KLHL5: variants seen among roughly 807,000 people sequenced by gnomAD.
The protein encoded by KLHL5 is kelch like family member 5.
A neutral mutation model predicts 77.7 loss-of-function variants in KLHL5; 48 were observed. That is an observed-to-expected ratio of 0.62 (90% CI 0.49 to 0.79). KLHL5 has a LOEUF of 0.79. Among genes scored for constraint, KLHL5 ranks in the 30% least tolerant of loss-of-function variants. The pLI, the probability that KLHL5 is intolerant of heterozygous loss-of-function variation, is 0.00. For synonymous variants in KLHL5, 260 were observed against 297.0 expected (o/e 0.88, Z 1.28); for missense variants, 723 against 859.7 (o/e 0.84, Z 1.99).
chr4:39,053,323 T>C lies in KLHL5; in HGVS notation c.-95+8227T>C, dbSNP rs967036291. On this transcript the variant is annotated intron_variant, in intron 1 of 11. Coordinates refer to the KLHL5 transcript ENST00000261425. Reference sequence around the variant, plus strand: ...GATCAGAGAGCCCAGGCAACTTTAATTGATTATACTTGTGTCTGGAGAGTA... The same window carrying C: ...GATCAGAGAGCCCAGGCAACTTTAACTGATTATACTTGTGTCTGGAGAGTA... 2.6e-5 allele frequency among the ~76,000 whole-genome samples: 4 copies of C among 152,222 alleles called. No individual in the cohort carries two copies. In the South Asian group the frequency reaches 8.3e-4, roughly 31 times the overall value.
intron 10 of KLHL5, among the ~76,000 whole-genome samples, chr4:39,118,669 T>C (rs1723015995): frequency 6.6e-6 from 1 of 151,790 alleles, no homozygotes. Context: ...GGCAGGAGAA[T>C]CGCTTGAACC....
Position 39,081,367 on chromosome 4 carries a change from G to C in KLHL5, c.703+128G>C. On this transcript the variant is annotated intron_variant, in intron 3 of 10. Transcript: ENST00000504108. The surrounding 1 kb of genome is among the most constrained non-coding windows in gnomAD (Gnocchi z 4.3). ...TCTGCTATTGTCATTACTACCCTTT[G>C]TATTTAACCTGGTGATGAATTAAAA... 1.6e-6 allele frequency: 1 copy of C among 621,290 alleles called. No homozygotes were observed. The highest frequency in any genetic ancestry group is 2.5e-6 in the Non-Finnish European group (1 of 406,112). The allele number at this position is 621,290 out of a possible 1,614,324, so 38.5% of individuals were successfully genotyped here.
the KLHL5 span, chr4:39,133,944 G>A: frequency 0.53 from 79,816 of 152,010 alleles, 21,571 homozygotes; most frequent in Non-Finnish European, 0.59. Context: ...CCTGTGCATG[G>A]GGGATCATTC....
chr4:39,139,296 A>G, the KLHL5 span, among the ~76,000 whole-genome samples: 2 of 151,944 alleles, frequency 1.3e-5, no homozygotes, highest in Non-Finnish European at 2.9e-5. Context: ...AAAAAAAAAA[A>G]AAAGAAAAGC....
At chr4:39,045,015 C>T (rs1272722285), upstream of KLHL5, 281 of 992,594 alleles carry the variant, frequency 2.8e-4, no homozygotes, top group Non-Finnish European at 3.3e-4. Context: ...AGCTCGCCGG[C>T]CCCGGCCCCC....
intron 10 of KLHL5, among the ~76,000 whole-genome samples, chr4:39,117,755 G>A (rs1722941505): frequency 6.6e-6 from 1 of 152,116 alleles, no homozygotes; most frequent in African/African-American, 2.4e-5. Context: ...TCTGATAGAA[G>A]CAGAAGCCAG....
At chr4:39,088,332 C>T (rs898190179) in intron 5 of KLHL5, among the ~76,000 whole-genome samples, 10 of 152,118 alleles carry the variant, frequency 6.6e-5, no homozygotes, top group Admixed American at 2.0e-4. Flanking sequence ...ATCATTTGTT[C>T]GAACACCTGT....
downstream of KLHL5, among the ~76,000 whole-genome samples, chr4:39,131,048 T>C (rs1219605269): frequency 6.9e-6 from 1 of 145,726 alleles, no homozygotes; most frequent in Non-Finnish European, 1.5e-5. Context: ...AGATAGCATA[T>C]CACCATGTTG....
At chr4:39,076,245 G>T in intron 2 of KLHL5, 98 bp downstream of exon 2, 1 of 1,014,736 alleles carries the variant, frequency 9.9e-7, no homozygotes. Flanking sequence ...TTATGTTTTT[G>T]GGAAGGGGTG....
the KLHL5 span, among the ~76,000 whole-genome samples, chr4:39,140,046 G>C: frequency 6.6e-6 from 1 of 152,128 alleles, no homozygotes; most frequent in African/African-American, 2.4e-5. Flanking sequence ...GGGCAACATG[G>C]CAAAACCCCA....
chr4:39,110,633 T>A (rs1004803808), intron 8 of KLHL5, among the ~76,000 whole-genome samples: 7 of 151,980 alleles, frequency 4.6e-5, no homozygotes, highest in Admixed American at 1.3e-4. Flanking sequence ...TGGCTAATTT[T>A]AAAAAAAATT....
chr4:39,049,824 C>A (rs946200314), intron 1 of KLHL5, among the ~76,000 whole-genome samples: 3 of 152,078 alleles, frequency 2.0e-5, no homozygotes, highest in Admixed American at 2.0e-4. Context: ...TTAATCCCAG[C>A]ACTTTGGTAG....
chr4:39,086,904 C>CTTTTTTTTTTTTTTTTT (rs71643263), intron 5 of KLHL5, among the ~76,000 whole-genome samples, 177 bp downstream of exon 5: 2 of 78,346 alleles, frequency 2.6e-5, no homozygotes, highest in Admixed American at 1.9e-4. Context: ...AAGTAACATT[C>CTTTTTTTTTTTTTTTTT]TTTTTTTTTT....
the KLHL5 span, among the ~76,000 whole-genome samples, chr4:39,137,505 T>G: frequency 1.3e-5 from 2 of 152,070 alleles, no homozygotes; most frequent in Non-Finnish European, 2.9e-5. Flanking sequence ...ACACCTGTAG[T>G]CCCAGCTACT....
chr4:39,116,681 C>T (rs1445741612), intron 10 of KLHL5, among the ~76,000 whole-genome samples: 3 of 151,930 alleles, frequency 2.0e-5, no homozygotes, highest in Admixed American at 1.3e-4. Flanking sequence ...AGGATCTGTG[C>T]TTGAGAGGAG....
At chr4:39,142,615 A>C in the KLHL5 span, among the ~76,000 whole-genome samples, 5 of 152,104 alleles carry the variant, frequency 3.3e-5, no homozygotes, top group Middle Eastern at 9.5e-3. Context: ...GACTCCCAGC[A>C]CCTTCATTCA....
intron 1 of KLHL5, chr4:39,063,478 G>T: frequency 2.9e-6 from 1 of 350,460 alleles, no homozygotes; most frequent in Non-Finnish European, 6.0e-6. Flanking sequence ...TTTGCAAAGA[G>T]ATGCACATTA....
At chr4:39,064,779 T>G (rs1327108313) in intron 1 of KLHL5, among the ~76,000 whole-genome samples, 3 of 152,144 alleles carry the variant, frequency 2.0e-5, no homozygotes, top group Non-Finnish European at 4.4e-5. Flanking sequence ...TATCCTTTTT[T>G]GACTGAGAGA....
chr4:39,101,126 TTATATA>T (rs60405643), intron 6 of KLHL5, among the ~76,000 whole-genome samples: 1 of 134,844 alleles, frequency 7.4e-6, no homozygotes. Context: ...TATTTGGATT[TTATATA>T]TATATATATA....
Sources: allele counts gnomAD v4.1 joint callset (sites outside exome capture counted in the v4.1 genomes callset), GRCh38; gene constraint gnomAD v4.1.1; non-coding constraint Gnocchi (gnomAD v3.1); transcripts MANE v1.5; gene names NCBI Gene and HGNC (gene_info 2026-07-23, HGNC 2026-07-21).